HTR4: variants seen among roughly 807,000 people sequenced by gnomAD.
The protein encoded by HTR4 is 5-hydroxytryptamine receptor 4.
A neutral mutation model predicts 36.8 loss-of-function variants in HTR4; 16 were observed. The observed-to-expected ratio is 0.43, with a 90% CI of 0.29 to 0.66. The LOEUF (loss-of-function observed/expected upper bound fraction) is 0.66, where lower values mean the gene tolerates loss of function less well. Among genes scored for constraint, HTR4 ranks in the 30% least tolerant of loss-of-function variants. The pLI is 0.13. For synonymous variants in HTR4, 189 were observed against 185.1 expected (o/e 1.02, Z -0.17); for missense variants, 438 against 490.9 (o/e 0.89, Z 1.02).
chr5:148,507,658 A>G (rs962120513), intron 6 of HTR4, among the ~76,000 whole-genome samples: 1 of 152,060 alleles, frequency 6.6e-6, no homozygotes, highest in East Asian at 1.9e-4. Flanking sequence ...TTGCTTTACA[A>G]TGATCCTGCA....
In HTR4 at chr5:148,483,107, G is replaced by A; in HGVS notation, c.*96C>T. ...CACTGGCGGACGGAAAGCCTCAGGT[G>A]AAGAGAATACCGGGTGCAGTCGCGC... On this transcript the variant is annotated 3_prime_UTR_variant, in exon 7 of 7. Coordinates refer to ENST00000377888, the MANE Select transcript of HTR4 (RefSeq NM_000870.7). 1 of 1,574,638 alleles carries A rather than the reference G, an allele frequency of 6.4e-7. No homozygotes were observed. The highest frequency in any genetic ancestry group is 2.3e-5 in the East Asian group (1 of 43,132).
In HTR4 at chr5:148,644,176, C is replaced by T. The variant is rs1316983374; in HGVS notation, c.-47-7115G>A. On this transcript the variant is annotated intron_variant, in intron 1 of 6. Coordinates refer to ENST00000377888, the MANE Select transcript of HTR4 (RefSeq NM_000870.7). ...TTTGAGAACCACCACGGCAAAACAG[C>T]AATTCTCCAAAAGTGTGGTTCACAT... 2.8e-4 allele frequency among the ~76,000 whole-genome samples: 42 copies of T among 152,112 alleles called. 1 individual carries two copies. The highest frequency in any genetic ancestry group is 2.9e-5 in the Non-Finnish European group (2 of 68,006).
chr5:148,457,930 T>TATC (rs1407861014), intron 5 of HTR4, among the ~76,000 whole-genome samples: 4 of 133,206 alleles, frequency 3.0e-5, no homozygotes, highest in African/African-American at 1.1e-4. Context: ...CATTAAAATA[T>TATC]ATTATATTTT....
chr5:148,478,606 T>G (rs1189592030), downstream of HTR4, among the ~76,000 whole-genome samples: 1 of 152,140 alleles, frequency 6.6e-6, no homozygotes, highest in Non-Finnish European at 1.5e-5. Context: ...TATTCCCTGG[T>G]CCAGCGATTG....
chr5:148,630,804 T>C (rs936518355), intron 2 of HTR4, among the ~76,000 whole-genome samples: 10 of 152,122 alleles, frequency 6.6e-5, no homozygotes, highest in East Asian at 1.9e-4. Context: ...ACCTGTAATC[T>C]TAAGAAAAAT....
chr5:148,560,204 TTAAAA>T (rs1186493293), intron 2 of HTR4, among the ~76,000 whole-genome samples: 33 of 125,032 alleles, frequency 2.6e-4, no homozygotes, highest in African/African-American at 9.4e-4. Flanking sequence ...AGCTTTTTTT[TTAAAA>T]AAAAAAAAAA....
At chr5:148,558,493 A>C (rs930462163) in intron 2 of HTR4, among the ~76,000 whole-genome samples, 17 of 152,170 alleles carry the variant, frequency 1.1e-4, no homozygotes, top group African/African-American at 3.9e-4. Context: ...CCAGTTTTAC[A>C]AGCTAGGACT....
chr5:148,480,719 A>G (rs1176985969), downstream of HTR4, among the ~76,000 whole-genome samples: 1 of 152,132 alleles, frequency 6.6e-6, no homozygotes, highest in Non-Finnish European at 1.5e-5. Flanking sequence ...TTTGGCATTT[A>G]CCTTCCTGCG....
intron 2 of HTR4, among the ~76,000 whole-genome samples, chr5:148,562,931 A>G (rs1036267112): frequency 6.6e-6 from 1 of 152,176 alleles, no homozygotes; most frequent in Admixed American, 6.5e-5. Context: ...GTGACTGCAA[A>G]GTCCTCTCAA....
chr5:148,570,830 GT>G (rs1760644275), intron 2 of HTR4, among the ~76,000 whole-genome samples: 1 of 142,500 alleles, frequency 7.0e-6, no homozygotes. Context: ...TTATGTGTGT[GT>G]GGGTTTTTGT....
intron 2 of HTR4, among the ~76,000 whole-genome samples, chr5:148,564,956 A>G (rs1472930085): frequency 6.6e-6 from 1 of 151,914 alleles, no homozygotes; most frequent in Non-Finnish European, 1.5e-5. Context: ...CTAAAAATAC[A>G]AAAATTAGCC....
chr5:148,560,726 C>T (rs1245402656), intron 2 of HTR4, among the ~76,000 whole-genome samples: 1 of 152,092 alleles, frequency 6.6e-6, no homozygotes, highest in Non-Finnish European at 1.5e-5. Flanking sequence ...GAGGCTGGAG[C>T]TCAGCATGGT....
At chr5:148,610,303 G>A (rs555335677) in intron 2 of HTR4, among the ~76,000 whole-genome samples, 6 of 152,166 alleles carry the variant, frequency 3.9e-5, no homozygotes, top group Non-Finnish European at 8.8e-5. Context: ...GAGAGCAGTG[G>A]TTCTCCCAGT....
chr5:148,610,619 C>T (rs1237831216), intron 2 of HTR4, among the ~76,000 whole-genome samples: 47 of 152,214 alleles, frequency 3.1e-4, no homozygotes, highest in East Asian at 1.9e-3. Flanking sequence ...AATCAGAGTG[C>T]CTCTCCTCCT....
intron 2 of HTR4, among the ~76,000 whole-genome samples, chr5:148,608,517 G>T (rs971090147): frequency 6.6e-6 from 1 of 152,128 alleles, no homozygotes; most frequent in Admixed American, 6.6e-5. Context: ...AATACGGGCC[G>T]TAAAGTAGAA....
chr5:148,625,453 G>C (rs1312465488), intron 2 of HTR4, among the ~76,000 whole-genome samples: 1 of 152,126 alleles, frequency 6.6e-6, no homozygotes, highest in Non-Finnish European at 1.5e-5. Context: ...TAATAGCTTA[G>C]GAATTTTTGA....
intron 5 of HTR4, among the ~76,000 whole-genome samples, chr5:148,510,561 C>T (rs1368383): frequency 0.16 from 23,651 of 152,180 alleles, 3,351 homozygotes; most frequent in African/African-American, 0.37. Flanking sequence ...TGCTGCCACC[C>T]CTCCACTCTC....
intron 2 of HTR4, among the ~76,000 whole-genome samples, chr5:148,560,064 C>G (rs973918682): frequency 6.6e-6 from 1 of 151,952 alleles, no homozygotes; most frequent in Non-Finnish European, 1.5e-5. Context: ...TATATTTTGA[C>G]TTAAGTGGAA....
chr5:148,484,219 T>TA (rs760382323), intron 6 of HTR4: 2 of 1,584,208 alleles, frequency 1.3e-6, no homozygotes, highest in Non-Finnish European at 8.6e-7. Flanking sequence ...TCAGGCAAGG[T>TA]AAAAAATGTT....
Sources: gnomAD v4.1 joint callset for allele counts (sites outside exome capture counted in the v4.1 genomes callset) on GRCh38, gnomAD v4.1.1 for gene constraint, MANE v1.5 for transcripts, NCBI Gene and HGNC (gene_info 2026-07-23, HGNC 2026-07-21) for gene names.